Variants in FAM163A observed in about 807,000 individuals in gnomAD.
The protein encoded by FAM163A is protein FAM163A.
A neutral mutation model predicts 12.0 loss-of-function variants in FAM163A; 7 were observed. That is an observed-to-expected ratio of 0.58 (90% CI 0.33 to 1.10). The LOEUF is 1.10. FAM163A is among the 50% of genes least tolerant of loss of function. The probability of loss-of-function intolerance (pLI) is 0.03; values close to 1 mark genes in which losing one functional copy is unlikely to be tolerated. For synonymous variants in FAM163A, 101 were observed against 91.0 expected (o/e 1.11, Z -0.62); for missense variants, 202 against 218.6 (o/e 0.92, Z 0.48).
At chr1:179,777,212 G>A (rs1468545638) in intron 1 of FAM163A, among the ~76,000 whole-genome samples, 1 of 152,066 alleles carries the variant, frequency 6.6e-6, no homozygotes, top group Non-Finnish European at 1.5e-5. Flanking sequence ...TATCTTCTGG[G>A]TATACACCTA....
At chr1:179,738,252 T>C in the FAM163A span, among the ~76,000 whole-genome samples, 3 of 152,212 alleles carry the variant, frequency 2.0e-5, no homozygotes, top group Non-Finnish European at 4.4e-5. Flanking sequence ...ATTTTGAATG[T>C]TCCCAACACA....
chr1:179,767,853 TA>T (rs1243456556), intron 1 of FAM163A, among the ~76,000 whole-genome samples: 1 of 152,134 alleles, frequency 6.6e-6, no homozygotes, highest in Admixed American at 6.5e-5. Flanking sequence ...TTATTGTGGT[TA>T]AAAAAAGCAC....
intron 1 of FAM163A, among the ~76,000 whole-genome samples, chr1:179,750,400 A>C (rs1329725021): frequency 6.6e-6 from 1 of 152,234 alleles, no homozygotes; most frequent in African/African-American, 2.4e-5. Flanking sequence ...GCCTGGGGCC[A>C]TTCAGGAAGG....
chr1:179,735,398 G>C, the FAM163A span, among the ~76,000 whole-genome samples: 1 of 151,726 alleles, frequency 6.6e-6, no homozygotes, highest in Non-Finnish European at 1.5e-5. Flanking sequence ...TGGCAATCCT[G>C]GTTAGAGGTC....
At chr1:179,737,387 A>G in the FAM163A span, among the ~76,000 whole-genome samples, 3 of 152,224 alleles carry the variant, frequency 2.0e-5, no homozygotes, top group Non-Finnish European at 4.4e-5. Flanking sequence ...TTCAATGGCT[A>G]TACAGTTTCA....
At chr1:179,806,456 C>A (rs1031477865) in intron 1 of FAM163A, among the ~76,000 whole-genome samples, 1 of 152,134 alleles carries the variant, frequency 6.6e-6, no homozygotes, top group Non-Finnish European at 1.5e-5. Context: ...GCTGTTCTGT[C>A]ACGCAGTCAC....
At position 179,743,428 on chromosome 1, in the gene FAM163A, C is replaced by T. The variant is rs1253578328; in HGVS notation, c.-136+5C>T. The T allele has an allele frequency of 6.6e-6, 1 of 152,168 alleles. No individual in the cohort carries two copies. The highest frequency in any genetic ancestry group is 2.4e-5 in the African/African-American group (1 of 41,464). 9.4% of individuals were successfully genotyped at this position (152,168 alleles called of 1,614,324 possible). A position where few individuals can be genotyped will look rare whatever the true frequency, so the allele number is the denominator to read the frequency against. ...GAGCGGAGCTGCTCAGCCGCGGTAACGGGTCGGGGCCTCATCGTGCAGGGG... is the reference window on the plus strand; with the variant it reads ...GAGCGGAGCTGCTCAGCCGCGGTAATGGGTCGGGGCCTCATCGTGCAGGGG... On this transcript the variant is annotated splice_donor_5th_base_variant and intron_variant, in intron 1 of 4. Coordinates refer to ENST00000341785, the MANE Select transcript of FAM163A (RefSeq NM_173509.3).
intron 1 of FAM163A, among the ~76,000 whole-genome samples, chr1:179,744,488 T>C (rs1285627551): frequency 6.6e-6 from 1 of 152,138 alleles, no homozygotes; most frequent in African/African-American, 2.4e-5. Flanking sequence ...CCTGGTTCTC[T>C]GCGGCTCCGA....
intron 1 of FAM163A, among the ~76,000 whole-genome samples, chr1:179,747,858 G>T (rs1684715763): frequency 6.8e-6 from 1 of 148,066 alleles, no homozygotes; most frequent in South Asian, 2.2e-4. Flanking sequence ...TCTGGGTTTG[G>T]ATTTCCATTT....
intron 1 of FAM163A, among the ~76,000 whole-genome samples, chr1:179,748,541 C>A (rs1169719178): frequency 1.3e-5 from 2 of 152,200 alleles, no homozygotes; most frequent in Non-Finnish European, 2.9e-5. Context: ...CAAGGCATGG[C>A]CCCCAGGTTC....
At chr1:179,805,382 G>T (rs1693786978) in intron 1 of FAM163A, among the ~76,000 whole-genome samples, 1 of 152,086 alleles carries the variant, frequency 6.6e-6, no homozygotes, top group Non-Finnish European at 1.5e-5. Context: ...GCCGGGGGTG[G>T]TGGCGGGCGC....
intron 1 of FAM163A, among the ~76,000 whole-genome samples, chr1:179,795,726 G>A (rs1027325521): frequency 2.8e-4 from 43 of 152,116 alleles, no homozygotes; most frequent in South Asian, 4.1e-4. Flanking sequence ...AGGCTGAATC[G>A]GGCTCAATAG....
At chr1:179,781,762 C>T (rs1179831166) in intron 1 of FAM163A, among the ~76,000 whole-genome samples, 2 of 151,854 alleles carry the variant, frequency 1.3e-5, no homozygotes, top group Admixed American at 6.6e-5. Flanking sequence ...GGTGAAACCC[C>T]GTCTCTACTA....
intron 1 of FAM163A, among the ~76,000 whole-genome samples, chr1:179,754,897 A>G (rs4269737): frequency 0.24 from 35,882 of 151,816 alleles, 4,828 homozygotes; most frequent in East Asian, 0.62. Flanking sequence ...AGTTCTTTGG[A>G]AGGCCAAGGC....
At position 179,775,124 on chromosome 1, in the gene FAM163A, A is replaced by G. The variant is rs376870774; in HGVS notation, c.-136+31701A>G. 5.9e-5 allele frequency among the ~76,000 whole-genome samples: 9 copies of G among 152,164 alleles called. No homozygotes were observed. In the South Asian group the frequency reaches 1.9e-3, roughly 32 times the overall value. ...GTGCAGAATTTTCTTGGGTCCAAAT[A>G]CCCCCAGAGGCTCCCCATTGGCCAC... On this transcript the variant is annotated intron_variant, in intron 1 of 4. Coordinates refer to ENST00000341785, the MANE Select transcript of FAM163A (RefSeq NM_173509.3).
At chr1:179,761,018 A>G (rs1686740014) in intron 1 of FAM163A, among the ~76,000 whole-genome samples, 1 of 152,234 alleles carries the variant, frequency 6.6e-6, no homozygotes, top group South Asian at 2.1e-4. Context: ...CAATTAACAT[A>G]ATTCATATCA....
At chr1:179,765,444 G>T (rs962654226) in intron 1 of FAM163A, among the ~76,000 whole-genome samples, 12 of 152,190 alleles carry the variant, frequency 7.9e-5, no homozygotes, top group African/African-American at 2.9e-4. Context: ...TCAGCCTGTG[G>T]GAGTCTAAGT....
chr1:179,766,627 T>C (rs1294824698), intron 1 of FAM163A, among the ~76,000 whole-genome samples: 1 of 152,254 alleles, frequency 6.6e-6, no homozygotes, highest in African/African-American at 2.4e-5. Context: ...AGTTGATTTT[T>C]CAGTGAAACT....
chr1:179,781,683 C>T (rs1689756630), intron 1 of FAM163A, among the ~76,000 whole-genome samples: 2 of 152,114 alleles, frequency 1.3e-5, no homozygotes, highest in African/African-American at 4.8e-5. Context: ...TGCCTGTAAT[C>T]CCAGCACTTT....
Sources: gnomAD v4.1 joint callset for allele counts (sites outside exome capture counted in the v4.1 genomes callset) on GRCh38, gnomAD v4.1.1 for gene constraint, MANE v1.5 for transcripts, NCBI Gene and HGNC (gene_info 2026-07-23, HGNC 2026-07-21) for gene names.